Variants in PCDHGA10 observed in about 807,000 individuals in gnomAD.
PCDHGA10 encodes the protein protocadherin gamma subfamily A, 10, also known as protocadherin gamma-A10.
A neutral mutation model predicts 59.5 loss-of-function variants in PCDHGA10; 42 were observed. The ratio of observed to expected loss-of-function variants is 0.71; its 90% CI spans 0.55 to 0.91. The LOEUF (loss-of-function observed/expected upper bound fraction) is 0.91. Among genes scored for constraint, PCDHGA10 ranks in the 40% least tolerant of loss-of-function variants. The pLI, the probability that PCDHGA10 is intolerant of heterozygous loss-of-function variation, is 0.00. For missense variants in PCDHGA10, 1,111 were observed against 1,198.2 expected, an observed-to-expected ratio of 0.93 and a Z score of 1.07; for synonymous variants, 511 against 517.2, an observed-to-expected ratio of 0.99 and a Z score of 0.16.
rs370237298 is a variant in PCDHGA10 at position 141,487,298 on chromosome 5, G to A, written c.2437-7509G>A. ...TTGCTTTGTCTCCTTTGGCTCATTCGTGGCACTACTCTCTAAGTGTCTTCG... is the reference window on the plus strand; with the variant it reads ...TTGCTTTGTCTCCTTTGGCTCATTCATGGCACTACTCTCTAAGTGTCTTCG... On this transcript the variant is annotated intron_variant, in intron 1 of 3. Coordinates refer to ENST00000398610, the MANE Select transcript of PCDHGA10 (RefSeq NM_018913.3). The surrounding 1 kb of genome is among the most constrained non-coding windows in gnomAD (Gnocchi z 5.0). The A allele has an allele frequency of 3.2e-5, 51 of 1,614,072 alleles. 1 individual carries two copies. Among genetic ancestry groups the A allele is most frequent in the South Asian group, 5.5e-5 (5 of 91,082 alleles).
chr5:141,429,105 C>A (rs936114624), intron 1 of PCDHGA10: 2 of 152,318 alleles, frequency 1.3e-5, no homozygotes, highest in African/African-American at 4.8e-5. Flanking sequence ...CTGCCCGCCT[C>A]GGCCTCCCAA....
In PCDHGA10 at chr5:141,421,591, G is replaced by A. The variant is rs1273484124; in HGVS notation, c.2436+5980G>A. The A allele has an allele frequency of 1.9e-6, 3 of 1,613,756 alleles. No homozygotes were observed. In the Admixed American group the frequency reaches 5.0e-5, roughly 27 times the overall value. ...CACCTTGAAGATTTACGGAGTGGAG[G>A]TGGAAATAATAGATATTAATGATAA... is the stretch of plus-strand genomic sequence containing the variant. On this transcript the variant is annotated intron_variant, in intron 1 of 3. Transcript: ENST00000398610.
intron 1 of PCDHGA10, chr5:141,478,809 C>G: frequency 6.9e-7 from 1 of 1,453,454 alleles, no homozygotes; most frequent in Non-Finnish European, 9.0e-7. Flanking sequence ...CTTTTGCTAT[C>G]ACAACTAACC....
At chr5:141,484,404 G>C (rs1333849091) in intron 1 of PCDHGA10, among the ~76,000 whole-genome samples, 3 of 152,174 alleles carry the variant, frequency 2.0e-5, no homozygotes, top group Non-Finnish European at 4.4e-5. Flanking sequence ...GGTTTCCGCT[G>C]TGTCTCCTGT....
In PCDHGA10 at chr5:141,432,845, G is replaced by A. The variant is rs1299464282; in HGVS notation, c.2436+17234G>A. The A allele has an allele frequency of 1.2e-6, 2 of 1,614,076 alleles. No individual in the cohort carries two copies. The highest frequency in any genetic ancestry group is 8.5e-7 in the Non-Finnish European group (1 of 1,180,024). ...AGACCTCACTCTGTACCTGGTGGTA[G>A]CGGTGGCCGCGGTCTCCTGCGTCTT... On this transcript the variant is annotated intron_variant, in intron 1 of 3. Coordinates refer to ENST00000398610, the MANE Select transcript of PCDHGA10 (RefSeq NM_018913.3). This position sits in a 1 kb window ranked among gnomAD's most constrained non-coding sequence, Gnocchi z 6.0.
chr5:141,511,031 A>G lies in PCDHGA10; in HGVS notation c.2669A>G (p.Gln890Arg). 6.2e-7 allele frequency: 1 copy of G among 1,614,244 alleles called. No individual in the cohort carries two copies. The highest frequency in any genetic ancestry group is 8.5e-7 in the Non-Finnish European group (1 of 1,180,034). ...SARYGPQFTL[Q>R]HVPDYRQNVY... Reference sequence around the variant, plus strand: ...CGCTACGGACCCCAGTTCACCCTGCAGCACGTGCCCGACTACCGCCAGAAT... The same window carrying G: ...CGCTACGGACCCCAGTTCACCCTGCGGCACGTGCCCGACTACCGCCAGAAT... The change falls in exon 4 of 4, where the codon CAG (glutamine) becomes CGG (arginine). Residue 890 changes from glutamine to arginine, a missense_variant. Gln to Arg is a conservative substitution (Grantham distance 43). Coordinates refer to ENST00000398610, the MANE Select transcript of PCDHGA10 (RefSeq NM_018913.3).
rs1228153118 is a variant in PCDHGA10 at position 141,433,077 on chromosome 5, C to G, written c.2436+17466C>G. 5.0e-6 allele frequency: 8 copies of G among 1,614,080 alleles called. No homozygotes were observed. The African/African-American group carries it at 6.7e-5, about 13-fold the overall frequency. On this transcript the variant is annotated intron_variant, in intron 1 of 3. Transcript: ENST00000398610. Reference sequence around the variant, plus strand: ...AAGAGTCACCTGATCTTCCCCCAGCCCAACTATGCAGACATGCTCGTCAGC... The same window carrying G: ...AAGAGTCACCTGATCTTCCCCCAGCGCAACTATGCAGACATGCTCGTCAGC...
intron 1 of PCDHGA10, among the ~76,000 whole-genome samples, chr5:141,460,912 G>GTGTATA (rs145509489): frequency 0.032 from 4,842 of 149,286 alleles, 90 homozygotes; most frequent in Middle Eastern, 0.083. Flanking sequence ...ATTCCATGGT[G>GTGTATA]TATATATATA....
chr5:141,419,275 G>T (rs777238100), intron 1 of PCDHGA10: 35 of 1,613,856 alleles, frequency 2.2e-5, no homozygotes, highest in Non-Finnish European at 2.9e-5. Flanking sequence ...CCTCCATAGC[G>T]CAAGTCAGTG....
rs369886570 is a variant in PCDHGA10 at position 141,487,839 on chromosome 5, G to A, written c.2437-6968G>A. ...GGGGGCGGGTCATGCCTATATCTGAGTAAGAAATGAAAGTAATTGGTGATC... is the reference window on the plus strand; with the variant it reads ...GGGGGCGGGTCATGCCTATATCTGAATAAGAAATGAAAGTAATTGGTGATC... On this transcript the variant is annotated intron_variant, in intron 1 of 3. Transcript: ENST00000398610. The surrounding 1 kb of genome is among the most constrained non-coding windows in gnomAD (Gnocchi z 5.0). The A allele has an allele frequency of 2.7e-6, 3 of 1,103,412 alleles. No homozygotes were observed. Among genetic ancestry groups the A allele is most frequent in the African/African-American group, 1.6e-5 (1 of 63,054 alleles). The allele number at this position is 1,103,412 out of a possible 1,614,324, so 68.4% of individuals were successfully genotyped here.
intron 1 of PCDHGA10, chr5:141,468,629 G>A (rs1170355107): frequency 1.3e-5 from 2 of 152,140 alleles, no homozygotes; most frequent in African/African-American, 4.8e-5. Flanking sequence ...CACTTTGGGA[G>A]GCCGAGGTGG....
At position 141,431,367 on chromosome 5, in the gene PCDHGA10, A is replaced by G; in HGVS notation, c.2436+15756A>G. 1.2e-6 allele frequency: 2 copies of G among 1,613,984 alleles called. No homozygotes were observed. The highest frequency in any genetic ancestry group is 2.2e-5 in the South Asian group (2 of 91,084). On this transcript the variant is annotated intron_variant, in intron 1 of 3. Coordinates refer to ENST00000398610, the MANE Select transcript of PCDHGA10 (RefSeq NM_018913.3). This position sits in a 1 kb window ranked among gnomAD's most constrained non-coding sequence, Gnocchi z 4.8. ...GTGCTGAAACGCGCCCTGGACCGCGAAGAAAAGGCTGCTCACCACCTGGTC... is the reference window on the plus strand; with the variant it reads ...GTGCTGAAACGCGCCCTGGACCGCGGAGAAAAGGCTGCTCACCACCTGGTC...
chr5:141,475,128 C>T (rs775275292), intron 1 of PCDHGA10, among the ~76,000 whole-genome samples: 3 of 151,894 alleles, frequency 2.0e-5, no homozygotes, highest in Non-Finnish European at 4.4e-5. Context: ...GGCTTTTTTT[C>T]TTTTTGAAAT....
At chr5:141,437,761 C>G (rs1200327020) in intron 1 of PCDHGA10, among the ~76,000 whole-genome samples, 3 of 144,682 alleles carry the variant, frequency 2.1e-5, no homozygotes, top group Admixed American at 7.0e-5. Flanking sequence ...TTTTTTGAGA[C>G]AGAGTCTCAA....
At chr5:141,433,097 G>A (rs777101945) in intron 1 of PCDHGA10, 11 of 1,614,044 alleles carry the variant, frequency 6.8e-6, no homozygotes, top group Admixed American at 3.3e-5. Flanking sequence ...AGACATGCTC[G>A]TCAGCCAGGA....
chr5:141,497,084 G>A (rs1417389801), intron 2 of PCDHGA10, among the ~76,000 whole-genome samples: 1 of 152,098 alleles, frequency 6.6e-6, no homozygotes, highest in East Asian at 1.9e-4. Context: ...AGCGACTTAG[G>A]AGGCTGAGGC....
At chr5:141,464,279 C>CA (rs373828487) in intron 1 of PCDHGA10, among the ~76,000 whole-genome samples, 31,576 of 137,520 alleles carry the variant, frequency 0.23, 3,494 homozygotes, top group African/African-American at 0.28. Context: ...AAAAAAAAAG[C>CA]AAAAAAAAAA....
At chr5:141,462,980 G>T (rs1249102130) in intron 1 of PCDHGA10, among the ~76,000 whole-genome samples, 1 of 152,006 alleles carries the variant, frequency 6.6e-6, no homozygotes, top group Non-Finnish European at 1.5e-5. Flanking sequence ...AGTAACTTTT[G>T]CCTTGGGCTA....
At chr5:141,428,105 G>T in intron 1 of PCDHGA10, 4 of 1,608,184 alleles carry the variant, frequency 2.5e-6, no homozygotes, top group Non-Finnish European at 2.5e-6. Context: ...ACCACGTGCT[G>T]CAGGCCATCG....
Sources: allele counts gnomAD v4.1 joint callset (sites outside exome capture counted in the v4.1 genomes callset), GRCh38; gene constraint gnomAD v4.1.1; non-coding constraint Gnocchi (gnomAD v3.1); transcripts MANE v1.5; gene names NCBI Gene and HGNC (gene_info 2026-07-23, HGNC 2026-07-21).